The following MPPED2 variants were observed in gnomAD, a reference collection of about 807,000 sequenced individuals.
The protein encoded by MPPED2 is metallophosphoesterase domain containing 2.
MPPED2 carries 5 observed loss-of-function variants against 33.0 expected under a neutral mutation model. The ratio of observed to expected loss-of-function variants is 0.15; its 90% CI spans 0.08 to 0.32. The LOEUF (loss-of-function observed/expected upper bound fraction) is 0.32, where lower values mean the gene tolerates loss of function less well. MPPED2 is among the 10% of genes least tolerant of loss of function. MPPED2 has a pLI of 1.00. For synonymous variants in MPPED2, 136 were observed against 141.9 expected (o/e 0.96, Z 0.29); for missense variants, 275 against 372.1 (o/e 0.74, Z 2.15).
chr11:30,526,982 T>TGGCCCA (rs1246410240), intron 3 of MPPED2, among the ~76,000 whole-genome samples: 8 of 125,038 alleles, frequency 6.4e-5, no homozygotes, highest in Non-Finnish European at 1.0e-4. Context: ...TAGAGTGCAG[T>TGGCCCA]GGCGTGATCT....
chr11:30,440,730 A>G (rs184548376), intron 4 of MPPED2, among the ~76,000 whole-genome samples: 1 of 152,286 alleles, frequency 6.6e-6, no homozygotes, highest in East Asian at 1.9e-4. Flanking sequence ...ATTTCACTCA[A>G]TAAACAATCG....
At chr11:30,477,762 G>A (rs567836286) in intron 4 of MPPED2, among the ~76,000 whole-genome samples, 1 of 152,112 alleles carries the variant, frequency 6.6e-6, no homozygotes, top group South Asian at 2.1e-4. Flanking sequence ...ATTTCGGAAA[G>A]ATTTTCTGTA....
At chr11:30,512,930 G>A (rs182255396) in intron 3 of MPPED2, among the ~76,000 whole-genome samples, 48 of 152,076 alleles carry the variant, frequency 3.2e-4, no homozygotes, top group African/African-American at 9.9e-4. Context: ...GAATCGGGGG[G>A]CAGAGTTGCG....
At chr11:30,466,628 T>C (rs373682464) in intron 4 of MPPED2, among the ~76,000 whole-genome samples, 14 of 152,324 alleles carry the variant, frequency 9.2e-5, no homozygotes, top group East Asian at 1.9e-4. Context: ...AGGGTAGCCA[T>C]TGAGTTTTAA....
chr11:30,461,823 C>G (rs767130866), intron 4 of MPPED2, among the ~76,000 whole-genome samples: 1 of 152,152 alleles, frequency 6.6e-6, no homozygotes, highest in Non-Finnish European at 1.5e-5. Context: ...AATTTTTTGT[C>G]TAATCTTATT....
chr11:30,491,282 A>T (rs996266942), intron 4 of MPPED2, among the ~76,000 whole-genome samples: 12 of 152,224 alleles, frequency 7.9e-5, no homozygotes, highest in African/African-American at 2.9e-4. Flanking sequence ...TGAAAATTCT[A>T]ACTTTGATGA....
intron 2 of MPPED2, among the ~76,000 whole-genome samples, chr11:30,570,501 TTAAGA>T: frequency 6.6e-6 from 1 of 152,292 alleles, no homozygotes; most frequent in East Asian, 1.9e-4. Context: ...AGAGCAATAG[TTAAGA>T]TTTTATGATT....
At chr11:30,401,575 C>A (rs1947908822) in intron 6 of MPPED2, among the ~76,000 whole-genome samples, 1 of 152,208 alleles carries the variant, frequency 6.6e-6, no homozygotes. Flanking sequence ...CTCTGGGTAG[C>A]AGAAGCATTT....
chr11:30,496,949 G>A (rs1345607135), intron 3 of MPPED2, among the ~76,000 whole-genome samples: 1 of 152,050 alleles, frequency 6.6e-6, no homozygotes, highest in Non-Finnish European at 1.5e-5. Context: ...ATATAGCAAG[G>A]GCAATAATGG....
At position 30,572,619 on chromosome 11, in the gene MPPED2, G is replaced by A. The variant is rs750105920; in HGVS notation, c.128+7627C>T. On this transcript the variant is annotated intron_variant, in intron 2 of 6. Coordinates refer to ENST00000358117, the MANE Select transcript of MPPED2 (RefSeq NM_001584.3). Reference sequence around the variant, plus strand: ...GAAAGTGGCTTACCAAGAAAGAAGTGTATGTTTAGAATTTTTTTAAAACAG... The same window carrying A: ...GAAAGTGGCTTACCAAGAAAGAAGTATATGTTTAGAATTTTTTTAAAACAG... Among the ~76,000 whole-genome samples the A allele has an allele frequency of 3.3e-5, 5 of 152,232 alleles. No individual in the cohort carries two copies. The South Asian group carries it at 6.2e-4, about 19-fold the overall frequency.
intron 4 of MPPED2, among the ~76,000 whole-genome samples, chr11:30,441,832 G>C (rs77999706): frequency 6.6e-6 from 1 of 152,106 alleles, no homozygotes; most frequent in African/African-American, 2.4e-5. Flanking sequence ...CCCCAGGCTA[G>C]GTTAGGCTGC....
intron 2 of MPPED2, among the ~76,000 whole-genome samples, chr11:30,547,881 C>T (rs1160245676): frequency 6.6e-6 from 1 of 152,118 alleles, no homozygotes; most frequent in East Asian, 1.9e-4. Context: ...ACGAAGATGC[C>T]ATTTTTACTA....
intron 4 of MPPED2, among the ~76,000 whole-genome samples, chr11:30,462,162 A>C (rs556420811): frequency 1.3e-5 from 2 of 152,230 alleles, no homozygotes; most frequent in Non-Finnish European, 2.9e-5. Flanking sequence ...GAAAGTTCAC[A>C]TTGAACACCT....
At chr11:30,404,171 G>A (rs1381933298) in intron 6 of MPPED2, among the ~76,000 whole-genome samples, 3 of 152,188 alleles carry the variant, frequency 2.0e-5, no homozygotes, top group Non-Finnish European at 4.4e-5. Flanking sequence ...CCAGACCAAA[G>A]TCACCCTTCA....
chr11:30,438,255 T>C (rs1420646607), intron 4 of MPPED2, among the ~76,000 whole-genome samples: 1 of 152,090 alleles, frequency 6.6e-6, no homozygotes, highest in African/African-American at 2.4e-5. Context: ...GAGCATGGAG[T>C]GATATACTCA....
At position 30,536,193 on chromosome 11, in the gene MPPED2, G is replaced by C. The variant is rs752587510; in HGVS notation, c.129-18C>G. On this transcript the variant is annotated intron_variant, in intron 2 of 6. Transcript: ENST00000358117. ...GGTCGACCCTAAAGTAGACATAACA[G>C]ATCCCATAACAGTTAAACATATTAG... 7.7e-6 allele frequency: 12 copies of C among 1,562,066 alleles called. No homozygotes were observed. The highest frequency in any genetic ancestry group is 1.0e-5 in the Non-Finnish European group (12 of 1,156,806).
intron 2 of MPPED2, among the ~76,000 whole-genome samples, chr11:30,574,655 G>A (rs995592135): frequency 1.3e-5 from 2 of 152,102 alleles, no homozygotes; most frequent in Admixed American, 6.6e-5. Context: ...AATAGAAGAA[G>A]GTGCTACCCA....
chr11:30,572,622 T>A (rs7942768), intron 2 of MPPED2, among the ~76,000 whole-genome samples: 110 of 152,222 alleles, frequency 7.2e-4, no homozygotes, highest in African/African-American at 2.6e-3. Flanking sequence ...AAGAAGTGTA[T>A]GTTTAGAATT....
chr11:30,455,798 A>C (rs1205037487), intron 4 of MPPED2, among the ~76,000 whole-genome samples: 1 of 152,206 alleles, frequency 6.6e-6, no homozygotes, highest in African/African-American at 2.4e-5. Context: ...AAAGGTAAAG[A>C]GCCCTCACCT....
Sources: allele counts gnomAD v4.1 joint callset (sites outside exome capture counted in the v4.1 genomes callset), GRCh38; gene constraint gnomAD v4.1.1; transcripts MANE v1.5; gene names NCBI Gene and HGNC (gene_info 2026-07-23, HGNC 2026-07-21).